SERPINB3: variants seen among roughly 807,000 people sequenced by gnomAD.
SERPINB3 encodes serpin B3.
In SERPINB3, 33 loss-of-function variants were observed where a neutral mutation model predicts 33.0. That is an observed-to-expected ratio of 1.00 (90% CI 0.76 to 1.34). SERPINB3 has a LOEUF of 1.34. Ranked by LOEUF, SERPINB3 falls within the 40% of genes most tolerant of loss-of-function variation. The pLI, the probability that SERPINB3 is intolerant of heterozygous loss-of-function variation, is 0.00. For synonymous variants in SERPINB3, 200 were observed against 170.9 expected, an observed-to-expected ratio of 1.17 and a Z score of -1.33; for missense variants, 518 against 461.5, an observed-to-expected ratio of 1.12 and a Z score of -1.12.
chr18:63,658,626 T>C lies in SERPINB3; in HGVS notation c.356A>G (p.Tyr119Cys). ...GTAAAATTTCTTGATGGCATCTAAA[T>C]ATTCCTTTGAGATATGAAGGAAGAA... ...GEKTYLFLQEYLDAIKKFYQT... is the reference protein window; with the variant it reads ...GEKTYLFLQECLDAIKKFYQT... Residue 119 changes from tyrosine to cysteine, a missense_variant, in exon 5 of 8, where the codon TAT becomes TGT. Physicochemically the swap from Tyr to Cys is radical, Grantham distance 194. Transcript: ENST00000283752. 1 of 1,608,522 alleles carries C rather than the reference T, an allele frequency of 6.2e-7. No individual in the cohort carries two copies. The highest frequency in any genetic ancestry group is 8.5e-7 in the Non-Finnish European group (1 of 1,175,204).
In SERPINB3 at chr18:63,656,705, A is replaced by T. The variant is rs921460440; in HGVS notation, c.768+126T>A. ...CTTTGTAATATGAAGGTGAGTCATC[A>T]TTCCTCATTTAGAATTTTTCATTAT... is the stretch of plus-strand genomic sequence containing the variant. On this transcript the variant is annotated intron_variant, in intron 7 of 7. Transcript: ENST00000283752. 23 of 1,146,508 alleles carry T rather than the reference A, an allele frequency of 2.0e-5. No homozygotes were observed. In the African/African-American group the frequency reaches 3.6e-4, roughly 18 times the overall value. The allele number at this position is 1,146,508 out of a possible 1,614,324, so 71.0% of individuals were successfully genotyped here.
chr18:63,657,215 G>A, intron 6 of SERPINB3, 55 bp downstream of exon 6: 1 of 1,039,390 alleles, frequency 9.6e-7, no homozygotes. Context: ...CATTCCATCA[G>A]AAATGTTTAA....
In SERPINB3 at chr18:63,656,055, C is replaced by G; in HGVS notation, c.775G>C (p.Glu259Gln). ...ATCAATTTCTCAGCAGTGAGTTTCT[C>G]TTCAAGCTATACAAATGGAAAAAAG... is the stretch of plus-strand genomic sequence containing the variant. ...NEIDGLQKLE[E>Q]KLTAEKLMEW... The change falls in exon 8 of 8, where the codon GAG becomes CAG. Residue 259 changes from glutamate (E) to glutamine (Q), a missense_variant. Coordinates refer to ENST00000283752, the MANE Select transcript of SERPINB3 (RefSeq NM_006919.3). 1 of 1,613,098 alleles carries G rather than the reference C, an allele frequency of 6.2e-7. No homozygotes were observed. The highest frequency in any genetic ancestry group is 8.5e-7 in the Non-Finnish European group (1 of 1,179,394).
chr18:63,656,420 T>G (rs543902473), intron 7 of SERPINB3, among the ~76,000 whole-genome samples: 1 of 152,208 alleles, frequency 6.6e-6, no homozygotes, highest in Non-Finnish European at 1.5e-5. Context: ...TGTCAATTTT[T>G]AATAGGCTCA....
At position 63,656,530 on chromosome 18, in the gene SERPINB3, C is replaced by T. The variant is rs528777708; in HGVS notation, c.768+301G>A. Among the ~76,000 whole-genome samples, 7 of 152,210 alleles carry T rather than the reference C, an allele frequency of 4.6e-5. No individual in the cohort carries two copies. The South Asian group carries it at 1.2e-3, about 27-fold the overall frequency. On this transcript the variant is annotated intron_variant, in intron 7 of 7. Transcript: ENST00000283752. Reference sequence around the variant, plus strand: ...TATTCCCTTTTTTACTTGGTGTATTCGTAAACTTTCCTCACATTGCTATAT... The same window carrying T: ...TATTCCCTTTTTTACTTGGTGTATTTGTAAACTTTCCTCACATTGCTATAT...
intron 3 of SERPINB3, among the ~76,000 whole-genome samples, chr18:63,660,225 A>C (rs1180041558): frequency 6.6e-6 from 1 of 152,200 alleles, no homozygotes; most frequent in East Asian, 1.9e-4. Context: ...AGCATTTTGC[A>C]CTATTAAGGC....
At chr18:63,661,537 A>C (rs1377011591) in intron 1 of SERPINB3, among the ~76,000 whole-genome samples, 1 of 152,044 alleles carries the variant, frequency 6.6e-6, no homozygotes, top group Non-Finnish European at 1.5e-5. Flanking sequence ...CTTTACAATG[A>C]ATGCTAACAG....
chr18:63,656,186 T>C, intron 7 of SERPINB3, 125 bp from the exon 8 acceptor site: 2 of 1,134,838 alleles, frequency 1.8e-6, no homozygotes, highest in East Asian at 2.6e-5. Context: ...AGGTTCACTT[T>C]ATTAGATATT....
intron 3 of SERPINB3, among the ~76,000 whole-genome samples, chr18:63,660,302 T>C (rs921563062): frequency 1.3e-5 from 2 of 152,184 alleles, no homozygotes; most frequent in Non-Finnish European, 2.9e-5. Context: ...TATTCCTCTT[T>C]ATCTCATTAA....
At chr18:63,657,580 A>T in intron 5 of SERPINB3, among the ~76,000 whole-genome samples, 168 bp from the exon 6 acceptor site, 1 of 152,140 alleles carries the variant, frequency 6.6e-6, no homozygotes, top group Admixed American at 6.6e-5. Flanking sequence ...GTGGTTCACC[A>T]GATGCAGCTT....
intron 6 of SERPINB3, 43 bp from the exon 7 acceptor site, chr18:63,657,029 A>G (rs747903422): frequency 4.6e-6 from 7 of 1,513,738 alleles, no homozygotes; most frequent in Non-Finnish European, 5.4e-6. Flanking sequence ...AGTGAGACAC[A>G]AGGCAAAAAG....
At chr18:63,657,226 A>G (rs1913521485) in intron 6 of SERPINB3, 44 bp downstream of exon 6, 1 of 1,102,934 alleles carries the variant, frequency 9.1e-7, no homozygotes, top group Non-Finnish European at 1.3e-6. Context: ...AAATGTTTAA[A>G]TTTATTAACA....
intron 7 of SERPINB3, among the ~76,000 whole-genome samples, chr18:63,656,363 A>G (rs1027046120): frequency 1.3e-5 from 2 of 152,196 alleles, no homozygotes; most frequent in African/African-American, 2.4e-5. Flanking sequence ...TTTGTACACA[A>G]TGAACTATAT....
chr18:63,655,948 G>T lies in SERPINB3; in HGVS notation c.882C>A (p.Asp294Glu), dbSNP rs370963443. 2 of 1,613,998 alleles carry T rather than the reference G, an allele frequency of 1.2e-6. No individual in the cohort carries two copies. The change falls in exon 8 of 8, where the codon GAC (aspartate) becomes GAA (glutamate). Residue 294 changes from aspartate (D) to glutamate (E), a missense_variant. Physicochemically the swap from Asp to Glu is conservative, Grantham distance 45. Transcript: ENST00000283752. ...LPRFKVEESY[D>E]LKDTLRTMGM... ...CCATGGTTCTCAACGTGTCCTTGAGGTCATAGCTCTCTTCCACTTTGAACC... is the reference window on the plus strand; with the variant it reads ...CCATGGTTCTCAACGTGTCCTTGAGTTCATAGCTCTCTTCCACTTTGAACC...
Position 63,657,369 on chromosome 18 carries a change from A to G in SERPINB3, c.513T>C (p.Asn171=). ...NLIPEGNIGS[N]TTLVLVNAIY... ...TTGCGTTCACAAGAACCAATGTGGT[A>G]TTGCTGCCAATATTACCTTCAGGAA... Residue 171 remains asparagine, a synonymous_variant, in exon 6 of 8, where the codon AAT becomes AAC. Transcript: ENST00000283752. 6.2e-7 allele frequency: 1 copy of G among 1,609,960 alleles called. No individual in the cohort carries two copies. The highest frequency in any genetic ancestry group is 8.5e-7 in the Non-Finnish European group (1 of 1,177,540).
chr18:63,657,758 C>T (rs568326953), intron 5 of SERPINB3, among the ~76,000 whole-genome samples: 1 of 150,930 alleles, frequency 6.6e-6, no homozygotes, highest in East Asian at 1.9e-4. Flanking sequence ...TTTCTCCCTC[C>T]CTCCTCTTCC....
chr18:63,657,041 T>C (rs1913517037), intron 6 of SERPINB3, 55 bp from the exon 7 acceptor site: 7 of 1,471,106 alleles, frequency 4.8e-6, no homozygotes, highest in Middle Eastern at 1.8e-4. Flanking sequence ...GGCAAAAAGA[T>C]AATATTATTG....
At chr18:63,660,991 T>A in intron 2 of SERPINB3, 61 bp downstream of exon 2, 1 of 1,610,370 alleles carries the variant, frequency 6.2e-7, no homozygotes. Context: ...ACCATCTGCG[T>A]GCTAGCCGAC....
At position 63,657,819 on chromosome 18, in the gene SERPINB3, G is replaced by A. The variant is rs117459023; in HGVS notation, c.470-407C>T. Among the ~76,000 whole-genome samples, 26 of 150,294 alleles carry A rather than the reference G, an allele frequency of 1.7e-4. 1 individual carries two copies. The East Asian group carries it at 5.1e-3, about 29-fold the overall frequency. The stretch of plus-strand genomic sequence containing the variant: ...ACGGGGTCCCCATTCAGAGGAAGTA[G>A]GCCCTGACTGCTTTTTAGGACAAGT... On this transcript the variant is annotated intron_variant, in intron 5 of 7. Coordinates refer to ENST00000283752, the MANE Select transcript of SERPINB3 (RefSeq NM_006919.3).
Sources: allele counts gnomAD v4.1 joint callset (sites outside exome capture counted in the v4.1 genomes callset), GRCh38; gene constraint gnomAD v4.1.1; transcripts MANE v1.5; gene names NCBI Gene and HGNC (gene_info 2026-07-23, HGNC 2026-07-21).